Variants in RNF103 observed in about 807,000 individuals in gnomAD.
RNF103 encodes E3 ubiquitin-protein ligase RNF103.
A neutral mutation model predicts 66.2 loss-of-function variants in RNF103; 23 were observed. That is an observed-to-expected ratio of 0.35 (90% CI 0.25 to 0.49). RNF103 has a LOEUF of 0.49. Among genes scored for constraint, RNF103 ranks in the 20% least tolerant of loss-of-function variants. The pLI, the probability that RNF103 is intolerant of heterozygous loss-of-function variation, is 0.98. For missense variants in RNF103, 730 were observed against 814.7 expected (o/e 0.90, Z 1.27); for synonymous variants, 297 against 289.9 (o/e 1.02, Z -0.25).
chr2:86,604,995 G>A lies in RNF103; in HGVS notation c.906C>T (p.His302=), dbSNP rs755509760. ...CCTGAAGGGATATAAATTCGCCTGT[G>A]TGGTTTCCATACCTGTAAATTCCTT... ...TPEGIYRYGN[H]TGEFISLQAM... Residue 302 remains histidine (H), a synonymous_variant, in exon 4 of 4, where the codon CAC becomes CAT. Coordinates refer to ENST00000237455, the MANE Select transcript of RNF103 (RefSeq NM_005667.4). The A allele has an allele frequency of 1.9e-6, 3 of 1,614,136 alleles. No individual in the cohort carries two copies. Among genetic ancestry groups the A allele is most frequent in the African/African-American group, 1.3e-5 (1 of 75,038 alleles).
rs1444700990 is a variant in RNF103, at chr2:86,623,851, G to C, written c.-965C>G. The C allele has an allele frequency of 1.6e-5, 21 of 1,287,878 alleles. No individual in the cohort carries two copies. Among genetic ancestry groups the C allele is most frequent in the African/African-American group, 4.6e-5 (3 of 65,542 alleles). The allele number at this position is 1,287,878 out of a possible 1,614,324, so 79.8% of individuals were successfully genotyped here. A position where few individuals can be genotyped will look rare whatever the true frequency, so the allele number is the denominator to read the frequency against. On this transcript the variant is annotated 5_prime_UTR_variant, in exon 1 of 4. Transcript: ENST00000237455. ...CGTGTATCAGCGGCGGCCGCGGCCG[G>C]AGCCGAGACATAACAACTGACGTCG...
At position 86,623,834 on chromosome 2, in the gene RNF103, A is replaced by T. The variant is rs893361220; in HGVS notation, c.-948T>A. The T allele has an allele frequency of 7.8e-7, 1 of 1,287,784 alleles. No homozygotes were observed. Among genetic ancestry groups the T allele is most frequent in the Non-Finnish European group, 1.0e-6 (1 of 988,322 alleles). The allele number at this position is 1,287,784 out of a possible 1,614,324, so 79.8% of individuals were successfully genotyped here. On this transcript the variant is annotated 5_prime_UTR_variant, in exon 1 of 4. Coordinates refer to ENST00000237455, the MANE Select transcript of RNF103 (RefSeq NM_005667.4). Reference sequence around the variant, plus strand: ...GCCGTACCCTCCACAACCGTGTATCAGCGGCGGCCGCGGCCGGAGCCGAGA... The same window carrying T: ...GCCGTACCCTCCACAACCGTGTATCTGCGGCGGCCGCGGCCGGAGCCGAGA...
intron 2 of RNF103, chr2:86,613,933 T>C (rs761548982): frequency 6.6e-6 from 1 of 152,086 alleles, no homozygotes; most frequent in African/African-American, 2.4e-5. Context: ...GGTTTTGATA[T>C]TACATTTTTT....
chr2:86,605,569 G>T, intron 3 of RNF103, 151 bp from the exon 4 acceptor site: 6 of 671,508 alleles, frequency 8.9e-6, no homozygotes, highest in South Asian at 5.5e-5. Flanking sequence ...TGAAAAACAA[G>T]CTCTGTTTTT....
Position 86,623,239 on chromosome 2 carries a change from G to A in RNF103, c.-353C>T. The A allele has an allele frequency of 9.9e-7, 1 of 1,009,510 alleles. No homozygotes were observed. Among genetic ancestry groups the A allele is most frequent in the Non-Finnish European group, 1.2e-6 (1 of 847,444 alleles). The allele number at this position is 1,009,510 out of a possible 1,614,324, so 62.5% of individuals were successfully genotyped here. On this transcript the variant is annotated 5_prime_UTR_variant, in exon 1 of 4. Coordinates refer to ENST00000237455, the MANE Select transcript of RNF103 (RefSeq NM_005667.4). ...AACAAAACGAGGGACGCTTCCCCCG[G>A]GGCGGGCACTGACCCAGGTGGCGGG...
chr2:86,623,871 A>T (rs1345521028), upstream of RNF103: 4 of 1,287,298 alleles, frequency 3.1e-6, no homozygotes, highest in Non-Finnish European at 3.0e-6. Flanking sequence ...ATAACAACTG[A>T]CGTCGCGATG....
Position 86,604,027 on chromosome 2 carries a change from A to G in RNF103, c.1874T>C (p.Leu625Pro). ...CAAACATCCATTTTCAAAATTCTCT[A>G]GGCAAACAACACATTCAGTACAGTG... ...MLHCTECVVC[L>P]ENFENGCLLM... The change falls in exon 4 of 4, where the codon CTA becomes CCA. Residue 625 changes from leucine (L) to proline (P), a missense_variant. Leu to Pro is a moderately conservative substitution (Grantham distance 98, BLOSUM62 -3). Transcript: ENST00000237455. 1 of 1,614,140 alleles carries G rather than the reference A, an allele frequency of 6.2e-7. No individual in the cohort carries two copies. Among genetic ancestry groups the G allele is most frequent in the Non-Finnish European group, 8.5e-7 (1 of 1,180,036 alleles).
At chr2:86,608,191 T>A (rs974681427) in intron 3 of RNF103, among the ~76,000 whole-genome samples, 1 of 152,132 alleles carries the variant, frequency 6.6e-6, no homozygotes, top group African/African-American at 2.4e-5. Context: ...TGTGGCATGC[T>A]ATATTTAAGA....
At chr2:86,610,516 T>G in intron 3 of RNF103, among the ~76,000 whole-genome samples, 1 of 152,354 alleles carries the variant, frequency 6.6e-6, no homozygotes, top group South Asian at 2.1e-4. Flanking sequence ...TTTAACAGAT[T>G]ATTTTTATTT....
chr2:86,604,090 A>G lies in RNF103; in HGVS notation c.1811T>C (p.Met604Thr). ...AGGCCAAGTTAACCAATCAGGTTCC[A>G]TATCTTCATTAGTGTTATATGATCC... is the stretch of plus-strand genomic sequence containing the variant. ...SYGSYNTNED[M>T]EPDWLTWPAD... Residue 604 changes from methionine (M) to threonine (T), a missense_variant, in exon 4 of 4, where the codon ATG (methionine) becomes ACG (threonine). Coordinates refer to ENST00000237455, the MANE Select transcript of RNF103 (RefSeq NM_005667.4). The G allele has an allele frequency of 6.2e-6, 10 of 1,613,850 alleles. No homozygotes were observed. The highest frequency in any genetic ancestry group is 1.6e-4 in the Middle Eastern group (1 of 6,062).
At chr2:86,606,880 C>T (rs989726478) in intron 3 of RNF103, among the ~76,000 whole-genome samples, 13 of 151,932 alleles carry the variant, frequency 8.6e-5, no homozygotes, top group African/African-American at 1.4e-4. Context: ...TGGGCTCAAG[C>T]GATTCTCCTG....
intron 2 of RNF103, chr2:86,617,355 C>T (rs745715378): frequency 4.9e-5 from 46 of 932,564 alleles, no homozygotes; most frequent in Non-Finnish European, 5.6e-5. Flanking sequence ...GTTTCACTTT[C>T]TGCAGTCAAC....
intron 1 of RNF103, 56 bp from the exon 2 acceptor site, chr2:86,620,525 T>C: frequency 6.9e-7 from 1 of 1,457,738 alleles, no homozygotes; most frequent in Non-Finnish European, 9.2e-7. Flanking sequence ...AGATTCCCAA[T>C]TTCAGTAATT....
intron 2 of RNF103, chr2:86,614,950 A>C (rs908736924): frequency 3.0e-6 from 3 of 985,418 alleles, no homozygotes; most frequent in Non-Finnish European, 3.6e-6. Context: ...AGGAGTTTAG[A>C]GGTTGCCTCG....
intron 2 of RNF103, 175 bp from the exon 3 acceptor site, chr2:86,612,449 G>A (rs1678836596): frequency 3.8e-6 from 2 of 524,190 alleles, no homozygotes; most frequent in Non-Finnish European, 6.7e-6. Context: ...CTATCCAATA[G>A]GAAAAAGACT....
At position 86,620,392 on chromosome 2, in the gene RNF103, T is replaced by C. The variant is rs758795491; in HGVS notation, c.304A>G (p.Ser102Gly). The change falls in exon 2 of 4, where the codon AGT (serine) becomes GGT (glycine). Residue 102 changes from serine (S) to glycine (G), a missense_variant. Physicochemically the swap from Ser to Gly is moderately conservative, Grantham distance 56. Coordinates refer to ENST00000237455, the MANE Select transcript of RNF103 (RefSeq NM_005667.4). ...AGCTCATAGAAGTGCATTTCACCAC[T>C]GAAATTGGTACTAGAAACCGATTCG... ...ASESVSSTNF[S>G]GEMHFYELVE... The C allele has an allele frequency of 2.5e-6, 4 of 1,608,388 alleles. No individual in the cohort carries two copies. Among genetic ancestry groups the C allele is most frequent in the East Asian group, 2.2e-5 (1 of 44,872 alleles).
intron 2 of RNF103, chr2:86,616,285 G>C: frequency 5.8e-6 from 1 of 172,238 alleles, no homozygotes; most frequent in Non-Finnish European, 1.2e-5. Flanking sequence ...GGAACAATGA[G>C]AGTATTGTGC....
At chr2:86,608,185 G>A (rs573717055) in intron 3 of RNF103, among the ~76,000 whole-genome samples, 1 of 152,074 alleles carries the variant, frequency 6.6e-6, no homozygotes, top group Non-Finnish European at 1.5e-5. Flanking sequence ...TGCTGATGTG[G>A]CATGCTATAT....
At chr2:86,615,437 A>G (rs1468851414) in intron 2 of RNF103, among the ~76,000 whole-genome samples, 2 of 151,278 alleles carry the variant, frequency 1.3e-5, no homozygotes, top group Non-Finnish European at 2.9e-5. Flanking sequence ...AAAAATGCTA[A>G]TATTTTCACA....
Sources: gnomAD v4.1 joint callset for allele counts (sites outside exome capture counted in the v4.1 genomes callset) on GRCh38, gnomAD v4.1.1 for gene constraint, MANE v1.5 for transcripts, NCBI Gene and HGNC (gene_info 2026-07-23, HGNC 2026-07-21) for gene names.